Variants in GRIN2B observed in about 807,000 individuals in gnomAD.
GRIN2B encodes glutamate receptor ionotropic, NMDA 2B.
GRIN2B carries 5 observed loss-of-function variants against 114.5 expected under a neutral mutation model. The ratio of observed to expected loss-of-function variants is 0.04; its 90% confidence interval spans 0.02 to 0.09. The LOEUF is 0.09. Among genes scored for constraint, GRIN2B ranks in the 10% least tolerant of loss-of-function variants. The pLI, the probability that GRIN2B is intolerant of heterozygous loss-of-function variation, is 1.00. For synonymous variants in GRIN2B, 787 were observed against 745.1 expected (o/e 1.06, Z -0.92); for missense variants, 1,108 against 1,943.5 (o/e 0.57, Z 8.08).
chr12:13,714,031 C>T (rs766214167), intron 4 of GRIN2B, among the ~76,000 whole-genome samples: 7 of 151,658 alleles, frequency 4.6e-5, no homozygotes, highest in Non-Finnish European at 7.4e-5. Flanking sequence ...AAGCAAAATC[C>T]CTAAAACTCC....
At chr12:13,907,133 G>A (rs1187859004) in intron 2 of GRIN2B, among the ~76,000 whole-genome samples, 1 of 149,090 alleles carries the variant, frequency 6.7e-6, no homozygotes, top group Non-Finnish European at 1.5e-5. Flanking sequence ...GATAAAAAAA[G>A]TCTTTGCATA....
chr12:13,641,274 C>T lies in GRIN2B; in HGVS notation c.1126-24617G>A, dbSNP rs142220145. On this transcript the variant is annotated intron_variant, in intron 5 of 13. Coordinates refer to ENST00000609686, the MANE Select transcript of GRIN2B (RefSeq NM_000834.5). ...TTTAGTAGAGATGGGGGTTTCACCA[C>T]GTTGGCCAGGCTGGTTTTGAACTCC... 6.4e-3 allele frequency among the ~76,000 whole-genome samples: 975 copies of T among 151,994 alleles called. 12 individuals are homozygous for T. Among genetic ancestry groups the T allele is most frequent in the African/African-American group, 0.02 (831 of 41,482 alleles).
At chr12:13,691,726 T>C (rs1950216591) in intron 4 of GRIN2B, among the ~76,000 whole-genome samples, 3 of 151,992 alleles carry the variant, frequency 2.0e-5, no homozygotes, top group Non-Finnish European at 4.4e-5. Flanking sequence ...AAGCACACAC[T>C]AGAGAGAAAT....
chr12:13,732,024 C>A (rs1299246073), intron 4 of GRIN2B, among the ~76,000 whole-genome samples: 1 of 152,116 alleles, frequency 6.6e-6, no homozygotes, highest in African/African-American at 2.4e-5. Flanking sequence ...ACTAACTAGG[C>A]TGTTTCATAG....
intron 3 of GRIN2B, among the ~76,000 whole-genome samples, chr12:13,817,500 C>T (rs1305356263): frequency 2.0e-5 from 3 of 152,026 alleles, no homozygotes; most frequent in African/African-American, 7.2e-5. Flanking sequence ...TCTTTCTCCA[C>T]CTGATAAAAT....
chr12:13,707,763 A>T (rs1950373988), intron 4 of GRIN2B, among the ~76,000 whole-genome samples: 2 of 152,090 alleles, frequency 1.3e-5, no homozygotes, highest in Non-Finnish European at 2.9e-5. Flanking sequence ...TTGAAAAAAA[A>T]ATTTAACTTA....
rs775175973 is a variant in GRIN2B, at chr12:13,563,325, C to T, written c.3913G>A (p.Asp1305Asn). Residue 1305 changes from aspartate to asparagine, a missense_variant, in exon 14 of 14, where the codon GAC (aspartate) becomes AAC (asparagine). Transcript: ENST00000609686. ...TCCTTCTGCAGGTCCACGAAGGTGT[C>T]GTAGGAGTGCTGCCGGCGCAGTTTG... ...RNKLRRQHSY[D>N]TFVDLQKEEA... 1.2e-6 allele frequency: 2 copies of T among 1,614,180 alleles called. No individual in the cohort carries two copies. Among genetic ancestry groups the T allele is most frequent in the South Asian group, 1.1e-5 (1 of 91,084 alleles).
Position 13,547,975 on chromosome 12 carries a change from A to ATTTTTTT in GRIN2B, c.*14807_*14808insAAAAAAA, listed in dbSNP as rs1323847688. Reference sequence around the variant, plus strand: ...TATGTGTGTGTATATATATATATATATATATATTTTTTTTTTTTTTCTGAA... The same window carrying ATTTTTTT: ...TATGTGTGTGTATATATATATATATATTTTTTTTATATATTTTTTTTTTTTTTCTGAA... On this transcript the variant is annotated 3_prime_UTR_variant, in exon 14 of 14. Coordinates refer to ENST00000609686, the MANE Select transcript of GRIN2B (RefSeq NM_000834.5). 1 of 49,856 alleles carries ATTTTTTT rather than the reference A, an allele frequency of 2.0e-5. No homozygotes were observed. The highest frequency in any genetic ancestry group is 4.4e-5 in the Non-Finnish European group (1 of 22,954). The allele number at this position is 49,856 out of a possible 1,614,324, so 3.1% of individuals were successfully genotyped here.
At chr12:13,834,767 G>A (rs942942534) in intron 3 of GRIN2B, among the ~76,000 whole-genome samples, 2 of 152,176 alleles carry the variant, frequency 1.3e-5, no homozygotes, top group African/African-American at 2.4e-5. Flanking sequence ...CATGATTTCT[G>A]TCTTCCAAAA....
At chr12:13,762,982 T>A (rs1489778680) in intron 3 of GRIN2B, among the ~76,000 whole-genome samples, 2 of 152,128 alleles carry the variant, frequency 1.3e-5, no homozygotes, top group Non-Finnish European at 2.9e-5. Context: ...TCCTCACATA[T>A]AGCAAAGTAC....
At chr12:13,890,962 G>A (rs1374367932) in intron 2 of GRIN2B, among the ~76,000 whole-genome samples, 1 of 152,116 alleles carries the variant, frequency 6.6e-6, no homozygotes, top group Non-Finnish European at 1.5e-5. Context: ...GCCTCTTAAG[G>A]CAATGGCTTT....
At chr12:13,653,957 C>T (rs1214256547) in intron 5 of GRIN2B, among the ~76,000 whole-genome samples, 1 of 152,090 alleles carries the variant, frequency 6.6e-6, no homozygotes, top group African/African-American at 2.4e-5. Context: ...AGTCTTAGGA[C>T]TAAGTATCTG....
intron 3 of GRIN2B, among the ~76,000 whole-genome samples, chr12:13,766,852 C>T (rs528497688): frequency 1.3e-5 from 2 of 152,132 alleles, no homozygotes; most frequent in Non-Finnish European, 2.9e-5. Context: ...TCTAGCCTTC[C>T]GACAGTTTTA....
chr12:13,717,967 C>T (rs1340109995), intron 4 of GRIN2B, among the ~76,000 whole-genome samples: 2 of 152,042 alleles, frequency 1.3e-5, no homozygotes, highest in Non-Finnish European at 2.9e-5. Context: ...CATTTTCTCC[C>T]ATTTTCTCTT....
chr12:13,563,619 C>T lies in GRIN2B; in HGVS notation c.3619G>A (p.Glu1207Lys). ...WEKNLTNVEWEDRSGGNFCRS... is the reference protein window; with the variant it reads ...WEKNLTNVEWKDRSGGNFCRS... ...CAGAAGTTGCCCCCGGACCGGTCCT[C>T]CCACTCCACGTTGGTCAGGTTCTTC... Residue 1207 changes from glutamate (E) to lysine (K), a missense_variant, in exon 14 of 14, where the codon GAG (glutamate) becomes AAG (lysine). By Grantham distance (56) the Glu-to-Lys change is moderately conservative (BLOSUM62 1). Transcript: ENST00000609686. The T allele has an allele frequency of 6.2e-7, 1 of 1,614,026 alleles. No homozygotes were observed. The highest frequency in any genetic ancestry group is 8.5e-7 in the Non-Finnish European group (1 of 1,180,018).
rs180780931 is a variant in GRIN2B, at chr12:13,747,877, A to G, written c.1010+5440T>C. 9.1e-4 allele frequency among the ~76,000 whole-genome samples: 138 copies of G among 152,218 alleles called. 2 individuals carry two copies. The South Asian group carries it at 0.019, about 21-fold the overall frequency. Reference sequence around the variant, plus strand: ...AACTAATTGACTCAATTCCTCATTTATTTTTTTAACCTTTCAGCACTTTCC... The same window carrying G: ...AACTAATTGACTCAATTCCTCATTTGTTTTTTTAACCTTTCAGCACTTTCC... On this transcript the variant is annotated intron_variant, in intron 4 of 13. Coordinates refer to ENST00000609686, the MANE Select transcript of GRIN2B (RefSeq NM_000834.5).
At chr12:13,882,067 CAG>C (rs1189133487) in intron 2 of GRIN2B, among the ~76,000 whole-genome samples, 4 of 152,168 alleles carry the variant, frequency 2.6e-5, no homozygotes, top group Admixed American at 2.0e-4. Flanking sequence ...CACCTCACCG[CAG>C]AGTCAATATG....
intron 3 of GRIN2B, among the ~76,000 whole-genome samples, chr12:13,859,194 G>A (rs1480092770): frequency 1.3e-5 from 2 of 152,162 alleles, no homozygotes; most frequent in Non-Finnish European, 2.9e-5. Context: ...AGAATGAATA[G>A]AGCTCAAGCC....
chr12:13,820,811 G>A (rs1387584120), intron 3 of GRIN2B, among the ~76,000 whole-genome samples: 4 of 151,982 alleles, frequency 2.6e-5, no homozygotes, highest in African/African-American at 9.7e-5. Flanking sequence ...TGGCTGAATT[G>A]CTTTAACAGC....
Sources: allele counts gnomAD v4.1 joint callset (sites outside exome capture counted in the v4.1 genomes callset), GRCh38; gene constraint gnomAD v4.1.1; transcripts MANE v1.5; gene names NCBI Gene and HGNC (gene_info 2026-07-23, HGNC 2026-07-21).